MAML2: variants seen among roughly 807,000 people sequenced by gnomAD.
The protein encoded by MAML2 is mastermind like transcriptional coactivator 2.
Under a neutral mutation model 96.1 loss-of-function variants are expected in MAML2, and 22 were observed. The observed-to-expected ratio is 0.23, with a 90% CI of 0.16 to 0.33. The LOEUF is 0.33. Ranked by LOEUF, MAML2 falls within the 10% of genes least tolerant of loss-of-function variation. MAML2 has a pLI of 1.00. For synonymous variants in MAML2, 561 were observed against 521.3 expected (o/e 1.08, Z -1.04); for missense variants, 1,367 against 1,392.4 (o/e 0.98, Z 0.29).
Position 96,081,962 on chromosome 11 carries a change from G to A in MAML2, c.2139+9930C>T, listed in dbSNP as rs16923038. 3.4e-3 allele frequency among the ~76,000 whole-genome samples: 518 copies of A among 152,128 alleles called. 3 individuals are homozygous for A. Among genetic ancestry groups the A allele is most frequent in the African/African-American group, 0.012 (491 of 41,484 alleles). Reference sequence around the variant, plus strand: ...AATTATTCAAACCCATTTCATTTTCGTTGATTTCAAGATTATACAGCCTAC... The same window carrying A: ...AATTATTCAAACCCATTTCATTTTCATTGATTTCAAGATTATACAGCCTAC... On this transcript the variant is annotated intron_variant, in intron 2 of 4. Transcript: ENST00000524717.
At chr11:96,243,884 G>A (rs979789066) in intron 1 of MAML2, among the ~76,000 whole-genome samples, 3 of 152,050 alleles carry the variant, frequency 2.0e-5, no homozygotes, top group African/African-American at 2.4e-5. Flanking sequence ...GTCGTGATCC[G>A]CCCATCTTGG....
chr11:96,189,123 A>G (rs1411206301), intron 1 of MAML2, among the ~76,000 whole-genome samples: 5 of 150,956 alleles, frequency 3.3e-5, no homozygotes, highest in African/African-American at 1.2e-4. Context: ...CTCTGCACCC[A>G]TTATTCACCG....
chr11:96,202,278 G>A (rs1861836810), intron 1 of MAML2, among the ~76,000 whole-genome samples: 2 of 147,504 alleles, frequency 1.4e-5, no homozygotes, highest in East Asian at 2.0e-4. Context: ...GTGAACCCGG[G>A]AGGTGGAGAT....
At chr11:96,013,964 C>T (rs1037188985) in intron 2 of MAML2, among the ~76,000 whole-genome samples, 1 of 152,220 alleles carries the variant, frequency 6.6e-6, no homozygotes, top group African/African-American at 2.4e-5. Context: ...ACACAAGCCA[C>T]CTATAGACAG....
At chr11:96,002,308 T>G (rs925916924) in intron 2 of MAML2, among the ~76,000 whole-genome samples, 1 of 152,206 alleles carries the variant, frequency 6.6e-6, no homozygotes, top group African/African-American at 2.4e-5. Flanking sequence ...CAGAACTTCC[T>G]GCTGTGAGGC....
chr11:96,210,431 C>A (rs978668440), intron 1 of MAML2, among the ~76,000 whole-genome samples: 3 of 152,064 alleles, frequency 2.0e-5, no homozygotes, highest in Admixed American at 6.6e-5. Flanking sequence ...TAGATATGTC[C>A]AAAACACAGT....
chr11:96,339,966 CTG>C (rs992483599), intron 1 of MAML2, among the ~76,000 whole-genome samples: 3 of 152,218 alleles, frequency 2.0e-5, no homozygotes, highest in African/African-American at 7.2e-5. Context: ...AAGGGTAAAA[CTG>C]TAAACCCTGT....
At chr11:96,331,376 A>G (rs1038266137) in intron 1 of MAML2, among the ~76,000 whole-genome samples, 1 of 152,232 alleles carries the variant, frequency 6.6e-6, no homozygotes, top group Non-Finnish European at 1.5e-5. Context: ...TGTTCTTTTT[A>G]TAGGTTTATT....
intron 1 of MAML2, among the ~76,000 whole-genome samples, chr11:96,153,007 AG>A (rs1485359258): frequency 6.6e-6 from 1 of 152,228 alleles, no homozygotes; most frequent in Non-Finnish European, 1.5e-5. Flanking sequence ...GCCAGAATGC[AG>A]GGTAGTTTTA....
At chr11:96,048,166 G>T (rs951776995) in intron 2 of MAML2, among the ~76,000 whole-genome samples, 1 of 152,072 alleles carries the variant, frequency 6.6e-6, no homozygotes, top group Non-Finnish European at 1.5e-5. Flanking sequence ...TTCAGATCAG[G>T]TGTCATAAAA....
chr11:96,156,550 A>C (rs1322587127), intron 1 of MAML2, among the ~76,000 whole-genome samples: 1 of 152,040 alleles, frequency 6.6e-6, no homozygotes, highest in Non-Finnish European at 1.5e-5. Context: ...CCCAGTGACC[A>C]CTCATGCTTC....
intron 1 of MAML2, among the ~76,000 whole-genome samples, chr11:96,140,855 G>A (rs189463411): frequency 3.9e-5 from 6 of 152,174 alleles, no homozygotes; most frequent in Admixed American, 2.0e-4. Flanking sequence ...CACGGGCCAT[G>A]CTAGGAGCTG....
chr11:96,163,669 T>C (rs1299437068), intron 1 of MAML2, among the ~76,000 whole-genome samples: 2 of 152,192 alleles, frequency 1.3e-5, no homozygotes, highest in African/African-American at 2.4e-5. Context: ...TTTTCAGCAA[T>C]GATCATTTTT....
At chr11:96,330,942 G>T (rs1236441326) in intron 1 of MAML2, among the ~76,000 whole-genome samples, 1 of 152,102 alleles carries the variant, frequency 6.6e-6, no homozygotes, top group African/African-American at 2.4e-5. Flanking sequence ...ACAAAGGGGC[G>T]TGTGGGGTGG....
At chr11:96,183,020 T>A (rs1162601022) in intron 1 of MAML2, among the ~76,000 whole-genome samples, 2 of 149,152 alleles carry the variant, frequency 1.3e-5, no homozygotes, top group Non-Finnish European at 3.0e-5. Context: ...TGCAGTGGCA[T>A]GATCTCAGCT....
intron 1 of MAML2, among the ~76,000 whole-genome samples, chr11:96,273,565 C>A (rs1007956502): frequency 3.3e-5 from 5 of 151,874 alleles, no homozygotes; most frequent in African/African-American, 9.7e-5. Flanking sequence ...AAGTTATTCT[C>A]CATAGTGCTA....
chr11:96,288,764 T>A (rs973430163), intron 1 of MAML2, among the ~76,000 whole-genome samples: 5 of 152,206 alleles, frequency 3.3e-5, no homozygotes, highest in African/African-American at 1.2e-4. Context: ...TAAATTAATT[T>A]TAATTATTTT....
intron 2 of MAML2, among the ~76,000 whole-genome samples, chr11:96,010,110 T>C (rs1858244239): frequency 6.6e-6 from 1 of 152,192 alleles, no homozygotes; most frequent in Non-Finnish European, 1.5e-5. Context: ...TTATAAACCT[T>C]CTGCTTTCTA....
At chr11:96,121,922 G>T (rs1860350970) in intron 1 of MAML2, among the ~76,000 whole-genome samples, 2 of 138,208 alleles carry the variant, frequency 1.4e-5, no homozygotes, top group South Asian at 2.4e-4. Flanking sequence ...TAGCAGCTGG[G>T]ACTACAGGCA....
Sources: allele counts gnomAD v4.1 joint callset (sites outside exome capture counted in the v4.1 genomes callset), GRCh38; gene constraint gnomAD v4.1.1; transcripts MANE v1.5; gene names NCBI Gene and HGNC (gene_info 2026-07-23, HGNC 2026-07-21).